The following NLRP11 variants were observed in gnomAD, a reference collection of about 807,000 sequenced individuals.
NLRP11 encodes NACHT, LRR and PYD domains-containing protein 11.
Under a neutral mutation model 79.3 loss-of-function variants are expected in NLRP11, and 53 were observed. The ratio of observed to expected loss-of-function variants is 0.67; its 90% CI spans 0.54 to 0.84. NLRP11 has a LOEUF of 0.84. Ranked by LOEUF, NLRP11 falls within the 40% of genes least tolerant of loss-of-function variation. The pLI, the probability that NLRP11 is intolerant of heterozygous loss-of-function variation, is 0.00. For missense variants in NLRP11, 1,264 were observed against 1,255.0 expected, an observed-to-expected ratio of 1.01 and a Z score of -0.11; for synonymous variants, 518 against 462.6, an observed-to-expected ratio of 1.12 and a Z score of -1.54.
At chr19:55,795,997 C>T in intron 6 of NLRP11, 83 bp downstream of exon 6, 4 of 1,269,362 alleles carry the variant, frequency 3.2e-6, no homozygotes, top group Non-Finnish European at 4.5e-6. Context: ...TGTCCCTTTC[C>T]CCACCACTGC....
intron 2 of NLRP11, among the ~76,000 whole-genome samples, chr19:55,817,165 TA>T (rs138129785): frequency 0.04 from 6,105 of 151,618 alleles, 251 homozygotes; most frequent in East Asian, 0.16. Context: ...ATGGCCATGA[TA>T]AAAAAAAATT....
chr19:55,813,236 G>A (rs1419249723), intron 2 of NLRP11, among the ~76,000 whole-genome samples: 1 of 152,150 alleles, frequency 6.6e-6, no homozygotes, highest in East Asian at 1.9e-4. Context: ...GCTGAGACAG[G>A]AGAATCACTT....
chr19:55,810,495 C>T (rs899950118), intron 2 of NLRP11, among the ~76,000 whole-genome samples, 157 bp from the exon 3 acceptor site: 4 of 152,034 alleles, frequency 2.6e-5, no homozygotes, highest in Admixed American at 2.0e-4. Context: ...AGATATTTAC[C>T]ATCATGTTGC....
At chr19:55,821,657 G>A (rs1484215468) in intron 1 of NLRP11, among the ~76,000 whole-genome samples, 6 of 150,132 alleles carry the variant, frequency 4.0e-5, no homozygotes, top group African/African-American at 1.5e-4. Context: ...CATTGTTAGT[G>A]ATGGGAGAAC....
intron 2 of NLRP11, 115 bp from the exon 3 acceptor site, chr19:55,810,453 T>A: frequency 1.2e-6 from 1 of 835,308 alleles, no homozygotes; most frequent in Non-Finnish European, 1.9e-6. Flanking sequence ...AATTTTTACT[T>A]ACTACTGCTT....
At chr19:55,810,403 T>C (rs570169618) in intron 2 of NLRP11, 65 bp from the exon 3 acceptor site, 60 of 1,404,568 alleles carry the variant, frequency 4.3e-5, no homozygotes, top group Middle Eastern at 1.9e-4. Flanking sequence ...GTAAAAACAG[T>C]TTTAGCTTCT....
intron 1 of NLRP11, among the ~76,000 whole-genome samples, chr19:55,828,611 C>T (rs1014094209): frequency 3.3e-4 from 50 of 152,048 alleles, no homozygotes; most frequent in Admixed American, 1.2e-3. Flanking sequence ...CACACTGATA[C>T]GAAATATGCA....
At chr19:55,793,386 T>C (rs1430226887) in intron 6 of NLRP11, among the ~76,000 whole-genome samples, 1 of 151,700 alleles carries the variant, frequency 6.6e-6, no homozygotes, top group Non-Finnish European at 1.5e-5. Context: ...CTGGTCAACA[T>C]GGTGAAACCC....
intron 6 of NLRP11, among the ~76,000 whole-genome samples, chr19:55,794,965 G>A (rs113292966): frequency 0.022 from 3,356 of 152,178 alleles, 54 homozygotes; most frequent in Non-Finnish European, 0.033. Context: ...AAAAATGGGC[G>A]AAACAAAAAA....
chr19:55,796,271 T>C (rs780526391), intron 5 of NLRP11, 21 bp from the exon 6 acceptor site: 1 of 1,576,968 alleles, frequency 6.3e-7, no homozygotes, highest in Non-Finnish European at 8.6e-7. Context: ...AATTCAGAAA[T>C]GAAAAGAGGC....
At chr19:55,793,540 C>G (rs1978489813) in intron 6 of NLRP11, among the ~76,000 whole-genome samples, 1 of 117,968 alleles carries the variant, frequency 8.5e-6, no homozygotes, top group South Asian at 2.8e-4. Context: ...TGCACTCCAG[C>G]CTGGGTGACT....
chr19:55,824,489 A>C lies in NLRP11; in HGVS notation c.-62-6253T>G, dbSNP rs1362411659. On this transcript the variant is annotated intron_variant, in intron 1 of 9. Transcript: ENST00000589093. ...CTGGCAAATTGGATAAAGAGTCAAG[A>C]CCCATCAGTGTGCTGTATTCAGGAA... 2.9e-5 allele frequency among the ~76,000 whole-genome samples: 4 copies of C among 138,104 alleles called. No individual in the cohort carries two copies. The East Asian group carries it at 8.8e-4, about 31-fold the overall frequency. 90.6% of individuals were successfully genotyped at this position (138,104 alleles called of 152,430 possible).
exon 3 of NLRP11, chr19:55,810,219 T>C (rs1189255911): frequency 5.6e-6 from 9 of 1,614,176 alleles, no homozygotes; most frequent in Middle Eastern, 1.6e-4. Flanking sequence ...AATTGAAGTA[T>C]GTAGAACACA....
chr19:55,834,807 C>T (rs987625624), upstream of NLRP11, among the ~76,000 whole-genome samples: 1 of 152,112 alleles, frequency 6.6e-6, no homozygotes, highest in Non-Finnish European at 1.5e-5. Context: ...ATAACAAACT[C>T]GCATTGATTA....
At chr19:55,797,307 AT>A (rs1755180401) in intron 5 of NLRP11, among the ~76,000 whole-genome samples, 1 of 151,950 alleles carries the variant, frequency 6.6e-6, no homozygotes, top group African/African-American at 2.4e-5. Context: ...CTAAAAAAAA[AT>A]AAATAAAATA....
intron 1 of NLRP11, among the ~76,000 whole-genome samples, chr19:55,823,148 A>G (rs376659863): frequency 0.012 from 1,411 of 120,268 alleles, 6 homozygotes; most frequent in East Asian, 0.02. Context: ...CCCCAGCAGG[A>G]GCACACTGAC....
chr19:55,831,503 A>G (rs1982785448), intron 1 of NLRP11, among the ~76,000 whole-genome samples: 1 of 152,278 alleles, frequency 6.6e-6, no homozygotes, highest in East Asian at 1.9e-4. Context: ...CAGAGGTTGC[A>G]GTGCGCTGAG....
chr19:55,801,824 T>C (rs1349339328), intron 4 of NLRP11, 85 bp from the exon 5 acceptor site: 2 of 1,120,072 alleles, frequency 1.8e-6, no homozygotes, highest in African/African-American at 3.1e-5. Flanking sequence ...CACTTCATCC[T>C]GTAACAAAGA....
At chr19:55,828,361 A>G (rs1031576582) in intron 1 of NLRP11, among the ~76,000 whole-genome samples, 12 of 151,982 alleles carry the variant, frequency 7.9e-5, no homozygotes, top group African/African-American at 2.7e-4. Context: ...GCACATGTAT[A>G]CATATGTAAC....
Sources: allele counts gnomAD v4.1 joint callset (sites outside exome capture counted in the v4.1 genomes callset), GRCh38; gene constraint gnomAD v4.1.1; transcripts MANE v1.5; gene names NCBI Gene and HGNC (gene_info 2026-07-23, HGNC 2026-07-21).